NTRK3: variants seen among roughly 807,000 people sequenced by gnomAD.
The protein encoded by NTRK3 is NT-3 growth factor receptor.
Under a neutral mutation model 91.7 loss-of-function variants are expected in NTRK3, and 24 were observed. That is an observed-to-expected ratio of 0.26 (90% CI 0.19 to 0.37). The LOEUF (loss-of-function observed/expected upper bound fraction) is 0.37. Among genes scored for constraint, NTRK3 ranks in the 10% least tolerant of loss-of-function variants. The pLI is 1.00. For missense variants in NTRK3, 880 were observed against 1,068.9 expected, an observed-to-expected ratio of 0.82 and a Z score of 2.46; for synonymous variants, 483 against 404.0, an observed-to-expected ratio of 1.20 and a Z score of -2.34.
chr15:88,044,214 T>C (rs1596943774), intron 13 of NTRK3, among the ~76,000 whole-genome samples: 2 of 150,786 alleles, frequency 1.3e-5, no homozygotes, highest in Admixed American at 1.3e-4. Flanking sequence ...AGCTAGTAGG[T>C]AGCAGTGTCC....
At chr15:88,080,287 A>G (rs1029922300) in intron 13 of NTRK3, among the ~76,000 whole-genome samples, 2 of 152,192 alleles carry the variant, frequency 1.3e-5, no homozygotes, top group Non-Finnish European at 2.9e-5. Context: ...AAATACTGTC[A>G]AACAAGCCCT....
intron 3 of NTRK3, among the ~76,000 whole-genome samples, chr15:88,222,604 G>A (rs1302926956): frequency 6.6e-6 from 1 of 152,168 alleles, no homozygotes; most frequent in Non-Finnish European, 1.5e-5. Context: ...TCATAGGTGG[G>A]GAAACTGAGG....
intron 3 of NTRK3, among the ~76,000 whole-genome samples, chr15:88,196,841 A>T (rs1445020725): frequency 6.6e-6 from 1 of 152,156 alleles, no homozygotes; most frequent in Non-Finnish European, 1.5e-5. Context: ...TCTACCCTTG[A>T]TGCCTAACCT....
At chr15:88,097,781 G>T (rs1261101180) in intron 13 of NTRK3, among the ~76,000 whole-genome samples, 4 of 152,142 alleles carry the variant, frequency 2.6e-5, no homozygotes, top group Admixed American at 2.6e-4. Context: ...TGAAAGTAAA[G>T]ACACAAAATT....
intron 17 of NTRK3, chr15:87,928,957 C>G (rs1443183229): frequency 1.6e-6 from 1 of 617,474 alleles, no homozygotes; most frequent in Non-Finnish European, 2.9e-6. Context: ...TTGCAATGTA[C>G]AGATTACAGT....
chr15:88,051,265 C>T lies in NTRK3; in HGVS notation c.1397-18220G>A, dbSNP rs1258899714. On this transcript the variant is annotated intron_variant, in intron 13 of 18. Transcript: ENST00000394480. ...GGAACCAGCTCAATCCCCACCACTC[C>T]CTTGAAGCATTTCTTGAACCTAACT... Among the ~76,000 whole-genome samples the T allele has an allele frequency of 2.0e-5, 3 of 152,172 alleles. No homozygotes were observed. The East Asian group carries it at 5.8e-4, about 29-fold the overall frequency.
At chr15:87,926,806 T>C (rs920354435) in intron 17 of NTRK3, 1 of 152,234 alleles carries the variant, frequency 6.6e-6, no homozygotes, top group African/African-American at 2.4e-5. Flanking sequence ...AAGTCAGTAG[T>C]TATCAGCTTG....
chr15:88,026,148 G>A (rs1017236970), intron 14 of NTRK3, among the ~76,000 whole-genome samples: 3 of 152,026 alleles, frequency 2.0e-5, no homozygotes, highest in Admixed American at 6.5e-5. Context: ...GCGGGTGCCT[G>A]TAGTCCCAGC....
chr15:87,918,361 G>A (rs1221628600), intron 17 of NTRK3, among the ~76,000 whole-genome samples: 1 of 152,180 alleles, frequency 6.6e-6, no homozygotes, highest in Non-Finnish European at 1.5e-5. Flanking sequence ...CTGCCATGGT[G>A]GTCTTTCCTT....
chr15:88,229,637 A>G (rs1186030619), intron 3 of NTRK3, among the ~76,000 whole-genome samples: 1 of 152,182 alleles, frequency 6.6e-6, no homozygotes, highest in Non-Finnish European at 1.5e-5. Flanking sequence ...GCAACAGGCA[A>G]TGTCCCCAGG....
chr15:87,903,819 C>T (rs566483305), intron 17 of NTRK3, among the ~76,000 whole-genome samples: 7 of 152,346 alleles, frequency 4.6e-5, no homozygotes, highest in African/African-American at 1.7e-4. Context: ...AAACCACATT[C>T]CACAATTTCA....
intron 3 of NTRK3, among the ~76,000 whole-genome samples, chr15:88,254,176 C>A (rs561143910): frequency 1.3e-5 from 2 of 152,266 alleles, no homozygotes; most frequent in African/African-American, 4.8e-5. Context: ...CAGCTCCCAC[C>A]TTCACCAGCA....
intron 10 of NTRK3, among the ~76,000 whole-genome samples, chr15:88,131,398 T>TA (rs2041330398): frequency 6.6e-6 from 1 of 152,196 alleles, no homozygotes; most frequent in Admixed American, 6.5e-5. Flanking sequence ...AAGCCTTACT[T>TA]ATGGTACACG....
At chr15:88,091,620 G>C (rs2049022994) in intron 13 of NTRK3, among the ~76,000 whole-genome samples, 1 of 152,162 alleles carries the variant, frequency 6.6e-6, no homozygotes, top group Admixed American at 6.5e-5. Context: ...CACAAGGGTA[G>C]GGAGATCACT....
intron 5 of NTRK3, among the ~76,000 whole-genome samples, chr15:88,150,128 C>A (rs1323362006): frequency 6.6e-6 from 1 of 152,168 alleles, no homozygotes; most frequent in Non-Finnish European, 1.5e-5. Context: ...ACTTATTGAG[C>A]CCTGAAGAAC....
chr15:88,137,944 G>A (rs1284047336), intron 6 of NTRK3, among the ~76,000 whole-genome samples: 12 of 151,328 alleles, frequency 7.9e-5, no homozygotes, highest in Non-Finnish European at 4.4e-5. Flanking sequence ...CCAGCTACTC[G>A]GGAGGCTGAG....
At chr15:88,109,269 G>C (rs964055602) in intron 13 of NTRK3, among the ~76,000 whole-genome samples, 1 of 152,168 alleles carries the variant, frequency 6.6e-6, no homozygotes, top group Non-Finnish European at 1.5e-5. Flanking sequence ...AGAGGGTGGG[G>C]AAAATTGGGG....
At chr15:87,880,630 G>C (rs1473324840) in intron 17 of NTRK3, among the ~76,000 whole-genome samples, 5 of 152,336 alleles carry the variant, frequency 3.3e-5, no homozygotes, top group East Asian at 1.9e-4. Flanking sequence ...CTAGCAACTA[G>C]AGGTAACACC....
chr15:88,008,762 C>T (rs1424414123), intron 14 of NTRK3, among the ~76,000 whole-genome samples: 1 of 152,126 alleles, frequency 6.6e-6, no homozygotes, highest in East Asian at 1.9e-4. Context: ...ATCCACACTC[C>T]ATTATTCATA....
Sources: gnomAD v4.1 joint callset for allele counts (sites outside exome capture counted in the v4.1 genomes callset) on GRCh38, gnomAD v4.1.1 for gene constraint, MANE v1.5 for transcripts, NCBI Gene and HGNC (gene_info 2026-07-23, HGNC 2026-07-21) for gene names.